TRAF3: variants seen among roughly 807,000 people sequenced by gnomAD.
TRAF3 encodes TNF receptor-associated factor 3.
A neutral mutation model predicts 62.3 loss-of-function variants in TRAF3; 13 were observed. The observed-to-expected ratio is 0.21, with a 90% CI of 0.14 to 0.33. TRAF3 has a LOEUF of 0.33. TRAF3 is among the 10% of genes least tolerant of loss of function. The pLI is 1.00. For missense variants in TRAF3, 440 were observed against 741.8 expected, an observed-to-expected ratio of 0.59 and a Z score of 4.73; for synonymous variants, 269 against 283.4, an observed-to-expected ratio of 0.95 and a Z score of 0.51.
At chr14:102,839,272 G>A (rs1428691330) in intron 2 of TRAF3, among the ~76,000 whole-genome samples, 1 of 125,862 alleles carries the variant, frequency 7.9e-6, no homozygotes, top group Non-Finnish European at 1.6e-5. Flanking sequence ...AGGCTGTAGT[G>A]CAGTGGCGCG....
Position 102,911,107 on chromosome 14 carries a change from T to G in TRAF3, c.*5323T>G, listed in dbSNP as rs1238989726. 6.6e-6 allele frequency: 1 copy of G among 152,264 alleles called. No homozygotes were observed. Among genetic ancestry groups the G allele is most frequent in the Non-Finnish European group, 1.5e-5 (1 of 68,052 alleles). The allele number at this position is 152,264 out of a possible 1,614,324, so 9.4% of individuals were successfully genotyped here. On this transcript the variant is annotated 3_prime_UTR_variant, in exon 12 of 12. Coordinates refer to ENST00000392745, the MANE Select transcript of TRAF3 (RefSeq NM_145725.3). ...GCCAATCTCTCATTTGACCCTGTCT[T>G]TTTAATCTGCCTGTTTTAAAAGTTG...
At chr14:102,801,497 A>C (rs1018114574) in intron 1 of TRAF3, among the ~76,000 whole-genome samples, 1 of 151,134 alleles carries the variant, frequency 6.6e-6, no homozygotes, top group Non-Finnish European at 1.5e-5. Flanking sequence ...TGTGTAGAAA[A>C]CTCTTGGCAG....
In TRAF3 at chr14:102,886,275, G is replaced by C; in HGVS notation, c.651+6G>C. On this transcript the variant is annotated splice_donor_region_variant and intron_variant, in intron 7 of 11. Transcript: ENST00000392745. ...AGACTCTCCTGAGGAGCGAGGTAGG[G>C]GCGGCCGGGCCCGGCCGGGAGTCTG... 1.2e-6 allele frequency: 2 copies of C among 1,608,498 alleles called. No homozygotes were observed. Among genetic ancestry groups the C allele is most frequent in the Non-Finnish European group, 1.7e-6 (2 of 1,178,954 alleles).
chr14:102,782,806 T>G (rs773185572), intron 1 of TRAF3, among the ~76,000 whole-genome samples: 9 of 152,194 alleles, frequency 5.9e-5, no homozygotes, highest in South Asian at 2.1e-4. Context: ...TCTGATTTCC[T>G]TTCCAGCTGA....
intron 1 of TRAF3, among the ~76,000 whole-genome samples, chr14:102,792,432 AT>A (rs35496572): frequency 0.55 from 67,549 of 122,418 alleles, 17,223 homozygotes; most frequent in Middle Eastern, 0.7. Flanking sequence ...CAGTTAATTG[AT>A]TTTTTTTTTT....
At chr14:102,902,356 G>C (rs929474447) in intron 10 of TRAF3, among the ~76,000 whole-genome samples, 1 of 152,224 alleles carries the variant, frequency 6.6e-6, no homozygotes, top group East Asian at 1.9e-4. Context: ...CACCATCCAG[G>C]TGGGAGGGGT....
At chr14:102,791,641 T>C (rs1897796156) in intron 1 of TRAF3, among the ~76,000 whole-genome samples, 2 of 152,234 alleles carry the variant, frequency 1.3e-5, no homozygotes, top group Admixed American at 1.3e-4. Flanking sequence ...AATTTACCTC[T>C]TCTTTCTAAT....
chr14:102,792,329 G>A (rs1897845020), intron 1 of TRAF3, among the ~76,000 whole-genome samples: 1 of 150,928 alleles, frequency 6.6e-6, no homozygotes, highest in Non-Finnish European at 1.5e-5. Flanking sequence ...GTCTTGCTGT[G>A]TTGCCCAGGT....
At chr14:102,814,468 G>A (rs1464796546) in intron 1 of TRAF3, among the ~76,000 whole-genome samples, 1 of 152,104 alleles carries the variant, frequency 6.6e-6, no homozygotes, top group Admixed American at 6.6e-5. Flanking sequence ...TTCTATTTCT[G>A]TGAACAATGT....
chr14:102,889,285 GA>G (rs1889576521), intron 7 of TRAF3, among the ~76,000 whole-genome samples: 1 of 152,164 alleles, frequency 6.6e-6, no homozygotes, highest in African/African-American at 2.4e-5. Flanking sequence ...TGGCACTACA[GA>G]TGGCATGTCA....
At chr14:102,869,477 AT>A (rs932439612) in intron 2 of TRAF3, among the ~76,000 whole-genome samples, 12 of 152,246 alleles carry the variant, frequency 7.9e-5, no homozygotes, top group African/African-American at 2.6e-4. Flanking sequence ...TAGTATATGT[AT>A]TTTTTTAAAC....
intron 2 of TRAF3, among the ~76,000 whole-genome samples, chr14:102,858,320 T>A (rs578105898): frequency 6.6e-6 from 1 of 152,206 alleles, no homozygotes; most frequent in East Asian, 1.9e-4. Flanking sequence ...CCCAGCTAAT[T>A]TTTGTATTTC....
chr14:102,875,741 G>T lies in TRAF3; in HGVS notation c.402+13G>T. The T allele has an allele frequency of 6.2e-7, 1 of 1,608,212 alleles. No individual in the cohort carries two copies. Among genetic ancestry groups the T allele is most frequent in the South Asian group, 1.1e-5 (1 of 90,964 alleles). On this transcript the variant is annotated intron_variant, in intron 5 of 11. Coordinates refer to ENST00000392745, the MANE Select transcript of TRAF3 (RefSeq NM_145725.3). The stretch of plus-strand genomic sequence containing the variant: ...GGGACATCTGCTGGTGAGTAGCAAA[G>T]GGACACTGGAACCTTTTACATGAAG...
chr14:102,852,333 G>A (rs1162659985), intron 2 of TRAF3, among the ~76,000 whole-genome samples: 1 of 152,046 alleles, frequency 6.6e-6, no homozygotes, highest in Non-Finnish European at 1.5e-5. Context: ...GTGATATTTA[G>A]TTTGGGGCCT....
At chr14:102,891,475 A>C in intron 9 of TRAF3, 58 bp downstream of exon 9, 1 of 1,538,528 alleles carries the variant, frequency 6.5e-7, no homozygotes. Context: ...AGATTATTTA[A>C]AGACAAAACC....
At position 102,898,492 on chromosome 14, in the gene TRAF3, T is replaced by A. The variant is rs905730642; in HGVS notation, c.960+1091T>A. ...TGGTCAGGCCACTGCTGCGGGGCCCTGGCCATCCTGTGGCCCGCCTGCACC... is the reference window on the plus strand; with the variant it reads ...TGGTCAGGCCACTGCTGCGGGGCCCAGGCCATCCTGTGGCCCGCCTGCACC... On this transcript the variant is annotated intron_variant, in intron 10 of 11. Coordinates refer to ENST00000392745, the MANE Select transcript of TRAF3 (RefSeq NM_145725.3). Among the ~76,000 whole-genome samples the A allele has an allele frequency of 3.9e-5, 6 of 152,370 alleles. No homozygotes were observed. The East Asian group carries it at 9.6e-4, about 24-fold the overall frequency.
intron 1 of TRAF3, among the ~76,000 whole-genome samples, chr14:102,789,363 T>A (rs1704031359): frequency 6.6e-6 from 1 of 152,260 alleles, no homozygotes; most frequent in South Asian, 2.1e-4. Flanking sequence ...TTATTTCACT[T>A]GGGTATATAC....
At chr14:102,795,623 T>TGTGTGTGTGTGTGTGTGC (rs1898041149) in intron 1 of TRAF3, among the ~76,000 whole-genome samples, 1 of 151,962 alleles carries the variant, frequency 6.6e-6, no homozygotes, top group Non-Finnish European at 1.5e-5. Context: ...TGTGTGTGCA[T>TGTGTGTGTGTGTGTGTGC]AGTTTTCATC....
chr14:102,875,588 T>C, intron 4 of TRAF3, 36 bp from the exon 5 acceptor site: 3 of 1,575,514 alleles, frequency 1.9e-6, no homozygotes, highest in Middle Eastern at 3.4e-4. Flanking sequence ...GATTAAGAAA[T>C]ATTAATCCTC....
Sources: allele counts gnomAD v4.1 joint callset (sites outside exome capture counted in the v4.1 genomes callset), GRCh38; gene constraint gnomAD v4.1.1; transcripts MANE v1.5; gene names NCBI Gene and HGNC (gene_info 2026-07-23, HGNC 2026-07-21).